RSPO2: variants seen among roughly 807,000 people sequenced by gnomAD.
RSPO2 encodes R-spondin-2.
RSPO2 carries 14 observed loss-of-function variants against 30.9 expected under a neutral mutation model. The observed-to-expected ratio is 0.45, with a 90% CI of 0.30 to 0.71. The LOEUF is 0.71. Ranked by LOEUF, RSPO2 falls within the 30% of genes least tolerant of loss-of-function variation. The probability of loss-of-function intolerance (pLI) is 0.08; values close to 1 mark genes in which losing one functional copy is unlikely to be tolerated. For missense variants in RSPO2, 264 were observed against 301.9 expected, an observed-to-expected ratio of 0.87 and a Z score of 0.93; for synonymous variants, 107 against 96.4, an observed-to-expected ratio of 1.11 and a Z score of -0.64.
rs376049241 is a variant in RSPO2, at chr8:107,941,940, T to C, written c.616+16140A>G. Among the ~76,000 whole-genome samples, 12 of 152,318 alleles carry C rather than the reference T, an allele frequency of 7.9e-5. No individual in the cohort carries two copies. The South Asian group carries it at 1.2e-3, about 16-fold the overall frequency. On this transcript the variant is annotated intron_variant, in intron 5 of 5. Coordinates refer to ENST00000276659, the MANE Select transcript of RSPO2 (RefSeq NM_178565.5). The stretch of plus-strand genomic sequence containing the variant: ...CAGAAATCTATATAACTTTCTCCCA[T>C]GACCACAGAACTGCCACCAATTATC...
At chr8:108,083,017 T>C (rs935191897) in intron 1 of RSPO2, 180 bp downstream of exon 1, 1 of 201,064 alleles carries the variant, frequency 5.0e-6, no homozygotes, top group African/African-American at 2.3e-5. Context: ...ATTAGCAACC[T>C]CTGCCGAGCC....
intron 2 of RSPO2, among the ~76,000 whole-genome samples, chr8:107,998,906 G>A (rs1309975308): frequency 6.6e-6 from 1 of 152,092 alleles, no homozygotes; most frequent in African/African-American, 2.4e-5. Context: ...AATTAGCTGG[G>A]CATGGTGCCG....
rs1814902642 is a variant in RSPO2 at position 107,993,083 on chromosome 8, G to A, written c.95-3839C>T. 2.6e-5 allele frequency among the ~76,000 whole-genome samples: 4 copies of A among 152,112 alleles called. No homozygotes were observed. The South Asian group carries it at 8.3e-4, about 31-fold the overall frequency. On this transcript the variant is annotated intron_variant, in intron 2 of 5. Coordinates refer to ENST00000276659, the MANE Select transcript of RSPO2 (RefSeq NM_178565.5). Reference sequence around the variant, plus strand: ...GTAAAAAACATATAATGATTTTCAAGTTTTGAAACTAAATATCTTATATTC... The same window carrying A: ...GTAAAAAACATATAATGATTTTCAAATTTTGAAACTAAATATCTTATATTC...
intron 3 of RSPO2, chr8:107,983,607 T>C (rs1337369428): frequency 5.0e-6 from 8 of 1,596,352 alleles, no homozygotes; most frequent in East Asian, 4.5e-5. Context: ...CAAAAGACGA[T>C]AAAACAATTA....
At chr8:108,068,333 T>A (rs1812734599) in intron 2 of RSPO2, among the ~76,000 whole-genome samples, 1 of 152,174 alleles carries the variant, frequency 6.6e-6, no homozygotes, top group Non-Finnish European at 1.5e-5. Flanking sequence ...TATGCACAAG[T>A]CCAGGGGGTG....
intron 3 of RSPO2, among the ~76,000 whole-genome samples, chr8:107,970,107 T>C (rs1813943543): frequency 1.3e-5 from 2 of 152,172 alleles, no homozygotes; most frequent in Non-Finnish European, 2.9e-5. Context: ...ATGAGCCAGA[T>C]AATAAATATT....
chr8:107,936,698 G>A (rs879426043), intron 5 of RSPO2, among the ~76,000 whole-genome samples: 1 of 151,882 alleles, frequency 6.6e-6, no homozygotes, highest in Non-Finnish European at 1.5e-5. Context: ...ATTTTTACAT[G>A]TTTTTAACTT....
intron 5 of RSPO2, among the ~76,000 whole-genome samples, chr8:107,912,452 G>A (rs1811854053): frequency 6.6e-6 from 1 of 152,112 alleles, no homozygotes; most frequent in Non-Finnish European, 1.5e-5. Context: ...GTGTGGGGAG[G>A]CACACCCATG....
chr8:107,990,229 T>C (rs1178457045), intron 2 of RSPO2, among the ~76,000 whole-genome samples: 1 of 151,630 alleles, frequency 6.6e-6, no homozygotes, highest in East Asian at 1.9e-4. Flanking sequence ...CAAAACAAGA[T>C]AAAAAGGTAC....
chr8:108,058,763 A>C (rs927502375), intron 2 of RSPO2, among the ~76,000 whole-genome samples: 2 of 151,922 alleles, frequency 1.3e-5, no homozygotes, highest in Non-Finnish European at 2.9e-5. Context: ...TTCCCTATTT[A>C]ATAAATGGTG....
chr8:107,912,117 A>G (rs1811845257), intron 5 of RSPO2, among the ~76,000 whole-genome samples: 1 of 152,166 alleles, frequency 6.6e-6, no homozygotes, highest in South Asian at 2.1e-4. Flanking sequence ...ACTCAAGGAA[A>G]AAAACAAAAA....
At chr8:107,962,671 T>C (rs570547833) in intron 3 of RSPO2, among the ~76,000 whole-genome samples, 13 of 152,278 alleles carry the variant, frequency 8.5e-5, no homozygotes, top group African/African-American at 2.9e-4. Context: ...TGTCCACAAA[T>C]TGTTAGTTTT....
intron 3 of RSPO2, among the ~76,000 whole-genome samples, chr8:107,972,580 C>A (rs73315495): frequency 0.034 from 5,183 of 151,998 alleles, 274 homozygotes; most frequent in African/African-American, 0.12. Flanking sequence ...CATGTTTTGC[C>A]TTTAAGAAAC....
intron 5 of RSPO2, among the ~76,000 whole-genome samples, chr8:107,913,482 CCAGA>C (rs1390874311): frequency 6.6e-6 from 1 of 152,074 alleles, no homozygotes; most frequent in African/African-American, 2.4e-5. Context: ...ATCCACAAGA[CCAGA>C]CAAATATTTT....
intron 2 of RSPO2, among the ~76,000 whole-genome samples, chr8:108,055,881 C>T (rs1045649876): frequency 6.6e-6 from 1 of 152,154 alleles, no homozygotes; most frequent in Admixed American, 6.5e-5. Context: ...GAACAACTGG[C>T]AGTGAGATTG....
chr8:108,065,220 A>G (rs1390865952), intron 2 of RSPO2, among the ~76,000 whole-genome samples: 1 of 151,482 alleles, frequency 6.6e-6, no homozygotes, highest in Admixed American at 6.6e-5. Flanking sequence ...TAATAGGTGC[A>G]GCAAACCACG....
At chr8:108,003,120 C>T (rs1458680465) in intron 2 of RSPO2, among the ~76,000 whole-genome samples, 2 of 144,464 alleles carry the variant, frequency 1.4e-5, no homozygotes, top group Non-Finnish European at 3.0e-5. Context: ...GGTGTGATCT[C>T]GGCTCACCAC....
rs147179880 is a variant in RSPO2 at position 108,054,119 on chromosome 8, T to G, written c.94+28426A>C. Among the ~76,000 whole-genome samples the G allele has an allele frequency of 3.9e-5, 6 of 152,248 alleles. No homozygotes were observed. In the East Asian group the frequency reaches 1.2e-3, roughly 29 times the overall value. ...ACTCTCCTGGGCACTGGTGATACAATGTAAACAAGGCTCTCACCCTTTTGG... is the reference window on the plus strand; with the variant it reads ...ACTCTCCTGGGCACTGGTGATACAAGGTAAACAAGGCTCTCACCCTTTTGG... On this transcript the variant is annotated intron_variant, in intron 2 of 5. Transcript: ENST00000276659.
intron 2 of RSPO2, among the ~76,000 whole-genome samples, chr8:107,991,249 AACACACACACACACACAC>A (rs60247229): frequency 2.0e-4 from 27 of 133,468 alleles, no homozygotes; most frequent in South Asian, 5.1e-4. Flanking sequence ...CTCCATCTCA[AACACACACACACACACAC>A]ACACACACAC....
Sources: allele counts gnomAD v4.1 joint callset (sites outside exome capture counted in the v4.1 genomes callset), GRCh38; gene constraint gnomAD v4.1.1; transcripts MANE v1.5; gene names NCBI Gene and HGNC (gene_info 2026-07-23, HGNC 2026-07-21).